Variants in GALNT15 observed in about 807,000 individuals in gnomAD.
GALNT15 encodes UDP-GalNAc transferase T15.
A neutral mutation model predicts 66.8 loss-of-function variants in GALNT15; 67 were observed. The observed-to-expected ratio is 1.00, with a 90% confidence interval of 0.82 to 1.23. The LOEUF is 1.23. Among genes scored for constraint, GALNT15 ranks in the 50% most tolerant of loss-of-function variants. The pLI is 0.00. For missense variants in GALNT15, 827 were observed against 804.3 expected (o/e 1.03, Z -0.34); for synonymous variants, 313 against 311.5 (o/e 1.00, Z -0.05).
At chr3:16,177,381 G>A (rs2063421250) in intron 1 of GALNT15, among the ~76,000 whole-genome samples, 1 of 152,198 alleles carries the variant, frequency 6.6e-6, no homozygotes, top group Non-Finnish European at 1.5e-5. Flanking sequence ...CAAATGTGTG[G>A]TGAATATGCA....
Position 16,211,090 on chromosome 3 carries a change from G to C in GALNT15, c.1080-34G>C. On this transcript the variant is annotated intron_variant, in intron 4 of 9. Transcript: ENST00000339732. This position sits in a 1 kb window ranked among gnomAD's most constrained non-coding sequence, Gnocchi z 4.3. ...CCTCGCCTGCTGTGCTCTGGGTTCT[G>C]AACTGCAGTGTCCTGCCTGTCTTCT... The C allele has an allele frequency of 1.3e-6, 2 of 1,519,544 alleles. No individual in the cohort carries two copies. Among genetic ancestry groups the C allele is most frequent in the Non-Finnish European group, 1.8e-6 (2 of 1,094,842 alleles). The allele number at this position is 1,519,544 out of a possible 1,614,324, so 94.1% of individuals were successfully genotyped here. A position where few individuals can be genotyped will look rare whatever the true frequency, so the allele number is the denominator to read the frequency against.
In GALNT15 at chr3:16,200,971, T is replaced by C; in HGVS notation, c.911+148T>C. 1 of 585,238 alleles carries C rather than the reference T, an allele frequency of 1.7e-6. No individual in the cohort carries two copies. The highest frequency in any genetic ancestry group is 1.9e-5 in the African/African-American group (1 of 51,724). 36.3% of individuals were successfully genotyped at this position (585,238 alleles called of 1,614,324 possible). A position where few individuals can be genotyped will look rare whatever the true frequency, so the allele number is the denominator to read the frequency against. Reference sequence around the variant, plus strand: ...CCCTTCGGGTTTTCAGATGTGTAAGTTTTTTAAGACTATAGAGTTAGAGTT... The same window carrying C: ...CCCTTCGGGTTTTCAGATGTGTAAGCTTTTTAAGACTATAGAGTTAGAGTT... On this transcript the variant is annotated intron_variant, in intron 3 of 9. Transcript: ENST00000339732. This position sits in a 1 kb window ranked among gnomAD's most constrained non-coding sequence, Gnocchi z 4.4.
Position 16,179,379 on chromosome 3 carries a change from C to G in GALNT15, c.539+3689C>G, listed in dbSNP as rs143560741. Among the ~76,000 whole-genome samples the G allele has an allele frequency of 8.5e-3, 1,291 of 152,280 alleles. 22 individuals carry two copies. Among genetic ancestry groups the G allele is most frequent in the African/African-American group, 0.029 (1,209 of 41,544 alleles). On this transcript the variant is annotated intron_variant, in intron 1 of 9. Transcript: ENST00000339732. ...CTTTGCCAGTCTGCCACTCTCCAGA[C>G]CAGAGATTGGGCAAGTCACATGGGC...
Position 16,228,371 on chromosome 3 carries a change from T to G in GALNT15, c.*871T>G. ...TGAGAAACTCTCCTGCCGGGCGCGG[T>G]GGCTCATGCCTGTAATTCCAGCACT... On this transcript the variant is annotated 3_prime_UTR_variant, in exon 10 of 10. Coordinates refer to ENST00000339732, the MANE Select transcript of GALNT15 (RefSeq NM_054110.5). 1 of 983,804 alleles carries G rather than the reference T, an allele frequency of 1.0e-6. No individual in the cohort carries two copies. The highest frequency in any genetic ancestry group is 1.2e-6 in the Non-Finnish European group (1 of 828,160). 60.9% of individuals were successfully genotyped at this position (983,804 alleles called of 1,614,324 possible). A position where few individuals can be genotyped will look rare whatever the true frequency, so the allele number is the denominator to read the frequency against.
At chr3:16,231,635 C>G (rs185157402), downstream of GALNT15, among the ~76,000 whole-genome samples, 16 of 152,286 alleles carry the variant, frequency 1.1e-4, no homozygotes, top group African/African-American at 3.8e-4. The surrounding 1 kb of genome is among the most constrained non-coding windows in gnomAD (Gnocchi z 4.1). Context: ...TAAGCTCAGT[C>G]CAAAGAGACC....
rs1444025455 is a variant in GALNT15, at chr3:16,227,677, T to C, written c.*177T>C. On this transcript the variant is annotated 3_prime_UTR_variant, in exon 10 of 10. Coordinates refer to ENST00000339732, the MANE Select transcript of GALNT15 (RefSeq NM_054110.5). The surrounding 1 kb of genome is among the most constrained non-coding windows in gnomAD (Gnocchi z 4.5). ...TTTCTCCTTTTCACACCTTATTTCA[T>C]TGACTGCTGGCTGCTTTAAAAAAAA... 30 of 1,422,512 alleles carry C rather than the reference T, an allele frequency of 2.1e-5. No homozygotes were observed. The highest frequency in any genetic ancestry group is 2.5e-4 in the Middle Eastern group (1 of 4,004). The allele number at this position is 1,422,512 out of a possible 1,614,324, so 88.1% of individuals were successfully genotyped here. A position where few individuals can be genotyped will look rare whatever the true frequency, so the allele number is the denominator to read the frequency against.
At chr3:16,218,905 C>T (rs2063909937) in intron 6 of GALNT15, among the ~76,000 whole-genome samples, 1 of 150,442 alleles carries the variant, frequency 6.6e-6, no homozygotes, top group Non-Finnish European at 1.5e-5. Context: ...GCCTCTGCCT[C>T]CTGGGTTCAA....
rs1412646950 is a variant in GALNT15, at chr3:16,200,575, T to C, written c.707-44T>C. 1 of 1,413,584 alleles carries C rather than the reference T, an allele frequency of 7.1e-7. No individual in the cohort carries two copies. The highest frequency in any genetic ancestry group is 2.5e-5 in the East Asian group (1 of 39,408). The allele number at this position is 1,413,584 out of a possible 1,614,324, so 87.6% of individuals were successfully genotyped here. On this transcript the variant is annotated intron_variant, in intron 2 of 9. Coordinates refer to ENST00000339732, the MANE Select transcript of GALNT15 (RefSeq NM_054110.5). This position sits in a 1 kb window ranked among gnomAD's most constrained non-coding sequence, Gnocchi z 4.4. ...TTGTCTTAGTCACAATCTCATCGGT[T>C]GTGGCATTTGTCATTCCACTGACCA...
chr3:16,206,223 A>G (rs2063755385), intron 3 of GALNT15, among the ~76,000 whole-genome samples: 1 of 151,974 alleles, frequency 6.6e-6, no homozygotes, highest in African/African-American at 2.4e-5. Flanking sequence ...ACACGCACAC[A>G]CACCCCCACA....
At chr3:16,232,469 A>AATATATATATATATATATATATAT (rs374444719), downstream of GALNT15, among the ~76,000 whole-genome samples, 1 of 38,742 alleles carries the variant, frequency 2.6e-5, no homozygotes, top group Non-Finnish European at 5.4e-5. Context: ...TAAATAAATA[A>AATATATATATATATATATATATAT]ATATATATAT....
At chr3:16,247,458 C>T in the GALNT15 span, among the ~76,000 whole-genome samples, 2 of 152,210 alleles carry the variant, frequency 1.3e-5, no homozygotes, top group African/African-American at 4.8e-5. Context: ...CATTGAGCGC[C>T]GCAGCCCTAA....
At chr3:16,245,376 C>T in the GALNT15 span, among the ~76,000 whole-genome samples, 1 of 152,214 alleles carries the variant, frequency 6.6e-6, no homozygotes, top group Non-Finnish European at 1.5e-5. Flanking sequence ...CTTTATAACA[C>T]AGGCTTTCTA....
chr3:16,200,629 G>A lies in GALNT15; in HGVS notation c.717G>A (p.Lys239=). ...CCCTGTTGATTCCAGGACAACTCAA[G>A]TCTGCTCTCAGCGAATATGTGGCCA... The part of the protein sequence containing the change: ...VDDLSQQGQL[K]SALSEYVARL... Residue 239 remains lysine (K), a synonymous_variant, in exon 3 of 10, where the codon AAG becomes AAA. Coordinates refer to ENST00000339732, the MANE Select transcript of GALNT15 (RefSeq NM_054110.5). The surrounding 1 kb of genome is among the most constrained non-coding windows in gnomAD (Gnocchi z 4.4). 6.4e-7 allele frequency: 1 copy of A among 1,559,736 alleles called. No homozygotes were observed. The highest frequency in any genetic ancestry group is 8.7e-7 in the Non-Finnish European group (1 of 1,152,140).
chr3:16,228,933 A>T lies in GALNT15; in HGVS notation c.*1433A>T, dbSNP rs2064052749. 1.0e-6 allele frequency: 1 copy of T among 985,358 alleles called. No individual in the cohort carries two copies. The highest frequency in any genetic ancestry group is 1.2e-6 in the Non-Finnish European group (1 of 829,962). The allele number at this position is 985,358 out of a possible 1,614,324, so 61.0% of individuals were successfully genotyped here. ...CATCTGGAGCACAGCTGAGGCTAGT[A>T]AGAGCTAAATGACTTTCCTTGCTAT... On this transcript the variant is annotated 3_prime_UTR_variant, in exon 10 of 10. Coordinates refer to ENST00000339732, the MANE Select transcript of GALNT15 (RefSeq NM_054110.5).
rs983887801 is a variant in GALNT15 at position 16,180,321 on chromosome 3, G to A, written c.539+4631G>A. ...GCTCCTCAAACTTTAAGGTGCATGC[G>A]AATCTTCTAGGCATCCTGTTAAAAT... On this transcript the variant is annotated intron_variant, in intron 1 of 9. Transcript: ENST00000339732. This position sits in a 1 kb window ranked among gnomAD's most constrained non-coding sequence, Gnocchi z 5.0. Among the ~76,000 whole-genome samples the A allele has an allele frequency of 1.8e-4, 27 of 152,198 alleles. No homozygotes were observed. Among genetic ancestry groups the A allele is most frequent in the Non-Finnish European group, 3.1e-4 (21 of 68,048 alleles).
chr3:16,220,263 G>A (rs971561913), intron 8 of GALNT15: 14 of 501,070 alleles, frequency 2.8e-5, no homozygotes, highest in African/African-American at 3.8e-5. Context: ...TGGAGAAGCC[G>A]TTTGGCCAAA....
the GALNT15 span, among the ~76,000 whole-genome samples, chr3:16,242,408 G>T: frequency 6.6e-6 from 1 of 152,100 alleles, no homozygotes; most frequent in African/African-American, 2.4e-5. This position sits in a 1 kb window ranked among gnomAD's most constrained non-coding sequence, Gnocchi z 5.6. Context: ...CAGGAGCTTG[G>T]GAAATCTTGA....
At chr3:16,233,094 C>G (rs74394182), downstream of GALNT15, among the ~76,000 whole-genome samples, 96 of 61,190 alleles carry the variant, frequency 1.6e-3, 3 homozygotes, top group African/African-American at 3.6e-3. Flanking sequence ...GATAATGCAT[C>G]TTTTTTTTTT....
chr3:16,211,076 G>T lies in GALNT15; in HGVS notation c.1080-48G>T, dbSNP rs200373442. 1.4e-6 allele frequency: 2 copies of T among 1,410,998 alleles called. No individual in the cohort carries two copies. The highest frequency in any genetic ancestry group is 2.3e-5 in the South Asian group (2 of 86,634). The allele number at this position is 1,410,998 out of a possible 1,614,324, so 87.4% of individuals were successfully genotyped here. A position where few individuals can be genotyped will look rare whatever the true frequency, so the allele number is the denominator to read the frequency against. On this transcript the variant is annotated intron_variant, in intron 4 of 9. Transcript: ENST00000339732. This position sits in a 1 kb window ranked among gnomAD's most constrained non-coding sequence, Gnocchi z 4.3. ...GCCCCAGCCCCCAGCCTCGCCTGCT[G>T]TGCTCTGGGTTCTGAACTGCAGTGT...
Sources: allele counts gnomAD v4.1 joint callset (sites outside exome capture counted in the v4.1 genomes callset), GRCh38; gene constraint gnomAD v4.1.1; non-coding constraint Gnocchi (gnomAD v3.1); transcripts MANE v1.5; gene names NCBI Gene and HGNC (gene_info 2026-07-23, HGNC 2026-07-21).